Variants in BRINP1 observed in about 807,000 individuals in gnomAD.
BRINP1 encodes BMP/retinoic acid inducible neural specific 1.
A neutral mutation model predicts 72.9 loss-of-function variants in BRINP1; 17 were observed. The ratio of observed to expected loss-of-function variants is 0.23; its 90% confidence interval spans 0.16 to 0.35. The LOEUF (loss-of-function observed/expected upper bound fraction) is 0.35. BRINP1 is among the 10% of genes least tolerant of loss of function. The pLI is 1.00. For synonymous variants in BRINP1, 418 were observed against 378.5 expected, an observed-to-expected ratio of 1.10 and a Z score of -1.21; for missense variants, 850 against 1,001.6, an observed-to-expected ratio of 0.85 and a Z score of 2.04.
intron 1 of BRINP1, among the ~76,000 whole-genome samples, chr9:119,327,561 G>A (rs1831252355): frequency 6.6e-6 from 1 of 152,196 alleles, no homozygotes; most frequent in Non-Finnish European, 1.5e-5. Flanking sequence ...TCCAACTGCA[G>A]GGGTTAGTGG....
chr9:119,216,186 T>C (rs1269568264), intron 5 of BRINP1, among the ~76,000 whole-genome samples: 8 of 152,204 alleles, frequency 5.3e-5, no homozygotes, highest in Non-Finnish European at 1.0e-4. Flanking sequence ...TGTGGGTGTA[T>C]AATCAAAAGG....
At chr9:119,299,606 C>G (rs1428150812) in intron 2 of BRINP1, among the ~76,000 whole-genome samples, 1 of 148,934 alleles carries the variant, frequency 6.7e-6, no homozygotes, top group African/African-American at 2.5e-5. Flanking sequence ...CGGCGAGACT[C>G]CGTCTCAAAA....
intron 7 of BRINP1, among the ~76,000 whole-genome samples, chr9:119,204,583 T>A (rs1399192703): frequency 6.6e-6 from 1 of 152,200 alleles, no homozygotes; most frequent in East Asian, 1.9e-4. Context: ...AATTAGTTAA[T>A]CTCATATAAG....
chr9:119,247,656 T>G (rs1830336860), intron 3 of BRINP1, among the ~76,000 whole-genome samples: 1 of 25,830 alleles, frequency 3.9e-5, no homozygotes, highest in Non-Finnish European at 6.5e-5. Flanking sequence ...AGACTCCGTC[T>G]CAAAAAAAAA....
At chr9:119,190,060 C>T (rs762078819) in intron 7 of BRINP1, among the ~76,000 whole-genome samples, 5 of 151,790 alleles carry the variant, frequency 3.3e-5, no homozygotes, top group Non-Finnish European at 7.4e-5. Flanking sequence ...AAAGAACATG[C>T]TCCTTAACAA....
chr9:119,214,838 G>A (rs1176166020), intron 5 of BRINP1, among the ~76,000 whole-genome samples: 2 of 152,146 alleles, frequency 1.3e-5, no homozygotes. Flanking sequence ...AGAACAGGAA[G>A]GACATTCTTA....
At chr9:119,322,525 T>C (rs1472515209) in intron 1 of BRINP1, among the ~76,000 whole-genome samples, 2 of 152,172 alleles carry the variant, frequency 1.3e-5, no homozygotes, top group African/African-American at 4.8e-5. Flanking sequence ...AGCAGCGCTG[T>C]TACCAAGCTC....
intron 7 of BRINP1, among the ~76,000 whole-genome samples, chr9:119,173,476 TAAAAG>T (rs1246262877): frequency 6.6e-6 from 1 of 151,700 alleles, no homozygotes; most frequent in African/African-American, 2.4e-5. Flanking sequence ...CTCAATGAAA[TAAAAG>T]AGGATACAAA....
chr9:119,268,980 T>C (rs945753124), intron 2 of BRINP1, among the ~76,000 whole-genome samples: 14 of 152,168 alleles, frequency 9.2e-5, no homozygotes, highest in Non-Finnish European at 2.1e-4. Flanking sequence ...CAGAATAAGG[T>C]TCAAGTCCTA....
chr9:119,180,191 GA>G (rs1564210816), intron 7 of BRINP1, among the ~76,000 whole-genome samples: 1 of 152,210 alleles, frequency 6.6e-6, no homozygotes, highest in Non-Finnish European at 1.5e-5. Context: ...GGTTAAAATA[GA>G]AAGCTATAAT....
chr9:119,177,917 G>GACTT (rs1290985780), intron 7 of BRINP1, among the ~76,000 whole-genome samples: 12 of 152,162 alleles, frequency 7.9e-5, no homozygotes, highest in Non-Finnish European at 2.9e-5. Flanking sequence ...ACAGCAAGAG[G>GACTT]ACTTAGAAAG....
chr9:119,293,179 T>C (rs1265183749), intron 2 of BRINP1, among the ~76,000 whole-genome samples: 1 of 152,184 alleles, frequency 6.6e-6, no homozygotes, highest in African/African-American at 2.4e-5. Context: ...TTCCCAAGAA[T>C]ATGACATGTT....
chr9:119,213,038 C>T (rs945937590), intron 6 of BRINP1, among the ~76,000 whole-genome samples: 5 of 152,154 alleles, frequency 3.3e-5, no homozygotes, highest in Non-Finnish European at 5.9e-5. Flanking sequence ...TCTCCTTAAC[C>T]CACATCATGG....
At chr9:119,241,843 T>C (rs1416457718) in intron 4 of BRINP1, among the ~76,000 whole-genome samples, 1 of 152,182 alleles carries the variant, frequency 6.6e-6, no homozygotes, top group Non-Finnish European at 1.5e-5. Flanking sequence ...AGCAAATCAG[T>C]ACATATGGCC....
At chr9:119,289,181 C>A (rs1047835550) in intron 2 of BRINP1, among the ~76,000 whole-genome samples, 1 of 152,124 alleles carries the variant, frequency 6.6e-6, no homozygotes, top group Non-Finnish European at 1.5e-5. Context: ...CATTCTAAAG[C>A]AAAAGAACAG....
intron 1 of BRINP1, among the ~76,000 whole-genome samples, chr9:119,357,381 G>A (rs1028467190): frequency 3.9e-5 from 6 of 152,194 alleles, no homozygotes; most frequent in Non-Finnish European, 8.8e-5. Flanking sequence ...AAGTGTTACT[G>A]TTATGACTGG....
intron 2 of BRINP1, among the ~76,000 whole-genome samples, chr9:119,263,832 T>A (rs1377622336): frequency 2.6e-5 from 4 of 151,976 alleles, no homozygotes; most frequent in Admixed American, 2.6e-4. Context: ...ATGGTCTCGA[T>A]CTCCTGACCT....
At chr9:119,292,980 C>T (rs1188034395) in intron 2 of BRINP1, among the ~76,000 whole-genome samples, 1 of 152,160 alleles carries the variant, frequency 6.6e-6, no homozygotes, top group Non-Finnish European at 1.5e-5. Flanking sequence ...TCCACAAAGA[C>T]CTGTTGAATG....
At chr9:119,202,841 C>A (rs762035215) in intron 7 of BRINP1, among the ~76,000 whole-genome samples, 2 of 152,132 alleles carry the variant, frequency 1.3e-5, no homozygotes, top group Non-Finnish European at 2.9e-5. Context: ...AAGCACTGGG[C>A]GCTGGAGTGG....
Sources: gnomAD v4.1 joint callset for allele counts (sites outside exome capture counted in the v4.1 genomes callset) on GRCh38, gnomAD v4.1.1 for gene constraint, MANE v1.5 for transcripts, NCBI Gene and HGNC (gene_info 2026-07-23, HGNC 2026-07-21) for gene names.